PTBP2: variants seen among roughly 807,000 people sequenced by gnomAD.
PTBP2 encodes the protein polypyrimidine tract binding protein 2, also known as polypyrimidine tract-binding protein 2.
Under a neutral mutation model 61.4 loss-of-function variants are expected in PTBP2, and 13 were observed. That is an observed-to-expected ratio of 0.21 (90% confidence interval 0.14 to 0.34). PTBP2 has a LOEUF of 0.34. PTBP2 is among the 10% of genes least tolerant of loss of function. The pLI is 1.00. For missense variants in PTBP2, 405 were observed against 642.6 expected (o/e 0.63, Z 4.00); for synonymous variants, 215 against 218.5 (o/e 0.98, Z 0.14).
intron 11 of PTBP2, among the ~76,000 whole-genome samples, chr1:96,811,375 A>G (rs550863068): frequency 1.3e-5 from 2 of 152,124 alleles, no homozygotes; most frequent in East Asian, 3.9e-4. Flanking sequence ...TAATTTCCTG[A>G]TCTTCCACAT....
intron 8 of PTBP2, among the ~76,000 whole-genome samples, chr1:96,800,655 G>A (rs780650629): frequency 3.3e-5 from 5 of 152,060 alleles, no homozygotes; most frequent in Non-Finnish European, 7.4e-5. Flanking sequence ...GATTGCCTGA[G>A]CCCAGAAGAT....
chr1:96,751,343 T>C, intron 2 of PTBP2, 82 bp from the exon 3 acceptor site: 2 of 1,086,800 alleles, frequency 1.8e-6, no homozygotes, highest in Admixed American at 3.4e-5. Context: ...TAGTGTAACA[T>C]TTGACATTTA....
At chr1:96,751,203 T>A (rs1654492254) in intron 2 of PTBP2, 2 of 607,340 alleles carry the variant, frequency 3.3e-6, no homozygotes, top group South Asian at 1.7e-5. Context: ...ATTTATTGTC[T>A]TTTGGGCTTA....
At position 96,771,265 on chromosome 1, in the gene PTBP2, G is replaced by A. The variant is rs943841031; in HGVS notation, c.432+414G>A. ...GGTTTTCCTGGAAAAGAAATCTTAA[G>A]GATGAAGAATATGTGAATGTATTGA... is the stretch of plus-strand genomic sequence containing the variant. On this transcript the variant is annotated intron_variant, in intron 5 of 13. Transcript: ENST00000674951. 13 of 155,170 alleles carry A rather than the reference G, an allele frequency of 8.4e-5. No individual in the cohort carries two copies. The South Asian group carries it at 2.4e-3, about 29-fold the overall frequency. 9.6% of individuals were successfully genotyped at this position (155,170 alleles called of 1,614,324 possible).
chr1:96,738,311 T>G (rs966215874), intron 2 of PTBP2, among the ~76,000 whole-genome samples: 1 of 152,116 alleles, frequency 6.6e-6, no homozygotes, highest in African/African-American at 2.4e-5. Context: ...TTGTTTGTTT[T>G]GAGATGGAGT....
chr1:96,786,036 G>A (rs547551593), intron 8 of PTBP2, among the ~76,000 whole-genome samples: 1 of 152,070 alleles, frequency 6.6e-6, no homozygotes, highest in African/African-American at 2.4e-5. Flanking sequence ...TTCTAGTATT[G>A]GTAAGATTAT....
chr1:96,815,853 C>A (rs997355769), downstream of PTBP2: 1 of 152,020 alleles, frequency 6.6e-6, no homozygotes, highest in Non-Finnish European at 1.5e-5. Flanking sequence ...AAAATAACAT[C>A]GTAGCACAGA....
chr1:96,742,306 G>A (rs1202927556), intron 2 of PTBP2, among the ~76,000 whole-genome samples: 1 of 152,118 alleles, frequency 6.6e-6, no homozygotes, highest in Non-Finnish European at 1.5e-5. Flanking sequence ...CAGCTTATAT[G>A]TAAGGGATGA....
intron 8 of PTBP2, among the ~76,000 whole-genome samples, chr1:96,801,539 G>T (rs1660997732): frequency 6.6e-6 from 1 of 152,078 alleles, no homozygotes; most frequent in African/African-American, 2.4e-5. Flanking sequence ...CTAATAGTAT[G>T]TGTGTTTATG....
At chr1:96,793,719 AAATT>A (rs778297352) in intron 8 of PTBP2, among the ~76,000 whole-genome samples, 11 of 152,288 alleles carry the variant, frequency 7.2e-5, no homozygotes, top group Non-Finnish European at 1.6e-4. Context: ...TTTGAGTCAC[AAATT>A]AATTTGAAGC....
intron 2 of PTBP2, among the ~76,000 whole-genome samples, chr1:96,736,314 C>G (rs1283048115): frequency 6.6e-6 from 1 of 152,114 alleles, no homozygotes; most frequent in Non-Finnish European, 1.5e-5. Flanking sequence ...GTGAGTAAAT[C>G]TAATTACTGA....
At chr1:96,729,673 C>T (rs1401170696) in intron 2 of PTBP2, among the ~76,000 whole-genome samples, 2 of 151,128 alleles carry the variant, frequency 1.3e-5, no homozygotes, top group Non-Finnish European at 2.9e-5. Flanking sequence ...TTCTGTAGAA[C>T]TAGTCCATTT....
chr1:96,757,655 A>G, intron 3 of PTBP2, among the ~76,000 whole-genome samples: 1 of 152,212 alleles, frequency 6.6e-6, no homozygotes, highest in Non-Finnish European at 1.5e-5. Context: ...TGTACATAGA[A>G]CATTCACAAT....
At chr1:96,807,750 A>C (rs1044479469) in intron 11 of PTBP2, among the ~76,000 whole-genome samples, 1 of 152,178 alleles carries the variant, frequency 6.6e-6, no homozygotes, top group Non-Finnish European at 1.5e-5. Flanking sequence ...TCACATAGAA[A>C]ATTTTGAATT....
intron 2 of PTBP2, among the ~76,000 whole-genome samples, chr1:96,732,679 A>G (rs1651590995): frequency 6.6e-6 from 1 of 152,194 alleles, no homozygotes. Context: ...ACAGTAGGAA[A>G]GATTGGTTTG....
chr1:96,791,307 T>C (rs1367868782), intron 8 of PTBP2, among the ~76,000 whole-genome samples: 3 of 152,324 alleles, frequency 2.0e-5, no homozygotes, highest in South Asian at 2.1e-4. Context: ...TTAAAATATA[T>C]GTAGGTGATG....
chr1:96,723,530 C>T, intron 1 of PTBP2, 34 bp from the exon 2 acceptor site: 1 of 1,558,736 alleles, frequency 6.4e-7, no homozygotes. Flanking sequence ...AGAAGAATAA[C>T]AGGAGGTTGA....
chr1:96,787,081 C>CGCAGTCGG (rs1659286014), intron 8 of PTBP2, among the ~76,000 whole-genome samples: 1 of 152,018 alleles, frequency 6.6e-6, no homozygotes, highest in Non-Finnish European at 1.5e-5. Context: ...AGTGTGGTGG[C>CGCAGTCGG]GCAGTCTCGG....
intron 8 of PTBP2, among the ~76,000 whole-genome samples, chr1:96,791,265 G>C (rs922490937): frequency 6.6e-6 from 1 of 152,222 alleles, no homozygotes; most frequent in Non-Finnish European, 1.5e-5. Flanking sequence ...TATTGCAGTA[G>C]TGAGGTAATA....
Sources: gnomAD v4.1 joint callset for allele counts (sites outside exome capture counted in the v4.1 genomes callset) on GRCh38, gnomAD v4.1.1 for gene constraint, MANE v1.5 for transcripts, NCBI Gene and HGNC (gene_info 2026-07-23, HGNC 2026-07-21) for gene names.